CCDC171: variants seen among roughly 807,000 people sequenced by gnomAD.
The protein encoded by CCDC171 is coiled-coil domain-containing protein 171.
CCDC171 carries 177 observed loss-of-function variants against 168.2 expected under a neutral mutation model. The observed-to-expected ratio is 1.05, with a 90% CI of 0.93 to 1.19. The LOEUF is 1.19. Among genes scored for constraint, CCDC171 ranks in the 50% most tolerant of loss-of-function variants. The probability of loss-of-function intolerance (pLI) is 0.00; values close to 1 mark genes in which losing one functional copy is unlikely to be tolerated. For synonymous variants in CCDC171, 687 were observed against 540.8 expected (o/e 1.27, Z -3.75); for missense variants, 1,991 against 1,539.0 (o/e 1.29, Z -4.91).
chr9:15,749,327 T>C (rs999633919), intron 18 of CCDC171, among the ~76,000 whole-genome samples: 2 of 151,974 alleles, frequency 1.3e-5, no homozygotes, highest in Admixed American at 6.6e-5. Flanking sequence ...TAAAGCAAGT[T>C]CTTAGAGACC....
At chr9:15,657,514 C>G (rs540815932) in intron 8 of CCDC171, among the ~76,000 whole-genome samples, 2 of 152,228 alleles carry the variant, frequency 1.3e-5, no homozygotes, top group Admixed American at 6.5e-5. Flanking sequence ...AGAGAACTTA[C>G]CTGGCAGTCT....
At chr9:15,864,539 C>T (rs935589683) in intron 23 of CCDC171, among the ~76,000 whole-genome samples, 43 of 152,102 alleles carry the variant, frequency 2.8e-4, no homozygotes, top group African/African-American at 9.9e-4. Flanking sequence ...TCAGTTCCCA[C>T]CTATGAGTGA....
At chr9:15,868,646 T>C (rs763748407) in intron 23 of CCDC171, among the ~76,000 whole-genome samples, 5 of 152,112 alleles carry the variant, frequency 3.3e-5, no homozygotes, top group Middle Eastern at 6.8e-3. Flanking sequence ...TGCCAGACAA[T>C]AGATATAAAG....
At chr9:15,600,271 C>G (rs1206255998) in intron 6 of CCDC171, among the ~76,000 whole-genome samples, 2 of 152,142 alleles carry the variant, frequency 1.3e-5, no homozygotes, top group African/African-American at 2.4e-5. Flanking sequence ...GTGGTTTTAT[C>G]TACTTGTGAT....
At chr9:15,871,389 A>T (rs1261331631) in intron 23 of CCDC171, among the ~76,000 whole-genome samples, 1 of 151,900 alleles carries the variant, frequency 6.6e-6, no homozygotes, top group Non-Finnish European at 1.5e-5. Context: ...TTGAAATTAT[A>T]ATTTAATCTA....
At chr9:15,711,443 T>A (rs2052657953) in intron 11 of CCDC171, among the ~76,000 whole-genome samples, 1 of 152,218 alleles carries the variant, frequency 6.6e-6, no homozygotes, top group Admixed American at 6.5e-5. Context: ...ATAGGTTTAA[T>A]TACATTTTGC....
At chr9:16,011,253 A>T (rs1190528264) in intron 3 of CCDC171, among the ~76,000 whole-genome samples, 1 of 152,132 alleles carries the variant, frequency 6.6e-6, no homozygotes, top group Non-Finnish European at 1.5e-5. Context: ...GGGCCCCTGG[A>T]TGGATTACCC....
At chr9:15,891,201 T>C (rs980762350) in intron 24 of CCDC171, among the ~76,000 whole-genome samples, 1 of 152,132 alleles carries the variant, frequency 6.6e-6, no homozygotes, top group Non-Finnish European at 1.5e-5. Flanking sequence ...AGAGGAAAGA[T>C]AAGGCAGTCA....
chr9:15,628,180 G>A (rs1287746642), intron 7 of CCDC171, among the ~76,000 whole-genome samples: 1 of 152,110 alleles, frequency 6.6e-6, no homozygotes, highest in Non-Finnish European at 1.5e-5. Flanking sequence ...GTGGGCGCAG[G>A]ACAGTGGGTG....
chr9:15,887,722 T>G (rs1467290446), intron 24 of CCDC171: 1 of 152,142 alleles, frequency 6.6e-6, no homozygotes. Flanking sequence ...ATTAAATAAA[T>G]TCTCATAATA....
At chr9:16,006,147 C>G (rs554621471) in intron 3 of CCDC171, among the ~76,000 whole-genome samples, 4 of 152,252 alleles carry the variant, frequency 2.6e-5, no homozygotes, top group African/African-American at 9.6e-5. Flanking sequence ...CAGGAGTGAG[C>G]CTCTCTGCCC....
At chr9:15,623,504 C>CACACACACAA (rs2044744522) in intron 7 of CCDC171, 91 bp downstream of exon 7, 1 of 669,096 alleles carries the variant, frequency 1.5e-6, no homozygotes, top group South Asian at 3.6e-5. Context: ...CACACACACA[C>CACACACACAA]ACATAAAACC....
intron 25 of CCDC171, among the ~76,000 whole-genome samples, chr9:15,930,714 A>C (rs1826407060): frequency 6.6e-6 from 1 of 151,714 alleles, no homozygotes; most frequent in Admixed American, 6.6e-5. Context: ...TGTTTTCAAA[A>C]ATGTGTTTCC....
chr9:15,789,388 G>A (rs1197253041), intron 21 of CCDC171, among the ~76,000 whole-genome samples: 1 of 152,128 alleles, frequency 6.6e-6, no homozygotes, highest in Non-Finnish European at 1.5e-5. Context: ...ATTAAGCTTT[G>A]GGTTCCACCA....
intron 18 of CCDC171, among the ~76,000 whole-genome samples, chr9:15,747,680 C>T (rs191584440): frequency 1.3e-5 from 2 of 152,326 alleles, no homozygotes; most frequent in East Asian, 3.9e-4. Flanking sequence ...GGAAAACTAA[C>T]AGACAGAAAG....
intron 16 of CCDC171, among the ~76,000 whole-genome samples, chr9:15,731,841 T>A (rs2054170431): frequency 6.6e-6 from 1 of 152,096 alleles, no homozygotes; most frequent in Non-Finnish European, 1.5e-5. Flanking sequence ...TTGTTCTACA[T>A]CCTCTGCAGC....
chr9:15,624,574 G>C (rs1333846256), intron 7 of CCDC171, among the ~76,000 whole-genome samples: 2 of 152,076 alleles, frequency 1.3e-5, no homozygotes, highest in South Asian at 2.1e-4. Context: ...TTGGTTTTCT[G>C]TCCTTGCAAT....
At chr9:15,776,862 A>G (rs1387053699) in intron 18 of CCDC171, among the ~76,000 whole-genome samples, 2 of 152,240 alleles carry the variant, frequency 1.3e-5, no homozygotes, top group Non-Finnish European at 2.9e-5. Context: ...ATGTTATACT[A>G]TGAATTTAAA....
At chr9:15,633,765 G>C (rs2045959511) in intron 7 of CCDC171, among the ~76,000 whole-genome samples, 1 of 152,134 alleles carries the variant, frequency 6.6e-6, no homozygotes, top group Non-Finnish European at 1.5e-5. Context: ...CAAAGACTTG[G>C]AACCAACCCA....
Sources: gnomAD v4.1 joint callset for allele counts (sites outside exome capture counted in the v4.1 genomes callset) on GRCh38, gnomAD v4.1.1 for gene constraint, MANE v1.5 for transcripts, NCBI Gene and HGNC (gene_info 2026-07-23, HGNC 2026-07-21) for gene names.